Variants in ST7 observed in about 807,000 individuals in gnomAD.
ST7 encodes suppression of tumorigenicity 7.
A neutral mutation model predicts 78.7 loss-of-function variants in ST7; 28 were observed. That is an observed-to-expected ratio of 0.36 (90% CI 0.26 to 0.49). The LOEUF is 0.49. ST7 is among the 20% of genes least tolerant of loss of function. The pLI is 0.99. For missense variants in ST7, 418 were observed against 696.0 expected (o/e 0.60, Z 4.49); for synonymous variants, 247 against 249.6 (o/e 0.99, Z 0.10).
intron 1 of ST7, among the ~76,000 whole-genome samples, chr7:117,053,208 C>A (rs542126528): frequency 6.6e-6 from 1 of 152,244 alleles, no homozygotes; most frequent in East Asian, 1.9e-4. Context: ...ATTTTCTACT[C>A]AAACCAAAAT....
intron 9 of ST7, among the ~76,000 whole-genome samples, chr7:117,169,654 G>T (rs1001041695): frequency 7.9e-5 from 12 of 151,966 alleles, no homozygotes; most frequent in Non-Finnish European, 8.8e-5. Flanking sequence ...ACCTAATTCA[G>T]TCTGCCCAGG....
At chr7:117,124,038 G>A (rs1298062494) in intron 3 of ST7, among the ~76,000 whole-genome samples, 1 of 151,786 alleles carries the variant, frequency 6.6e-6, no homozygotes, top group South Asian at 2.1e-4. Flanking sequence ...CTATATAAAT[G>A]TATATATTCT....
At chr7:117,191,508 C>T (rs1375852559) in intron 12 of ST7, 1 of 760 alleles carries the variant, frequency 1.3e-3, no homozygotes, top group Non-Finnish European at 2.7e-3. Context: ...CCCAATATTT[C>T]CAATTTTTTT....
At chr7:117,142,453 A>G (rs1805401813) in intron 9 of ST7, among the ~76,000 whole-genome samples, 2 of 151,444 alleles carry the variant, frequency 1.3e-5, no homozygotes, top group Non-Finnish European at 2.9e-5. Context: ...TGCCAATTGC[A>G]GCTTAACCCC....
intron 1 of ST7, chr7:117,014,984 C>T: frequency 1.5e-6 from 2 of 1,363,912 alleles, no homozygotes; most frequent in Non-Finnish European, 1.9e-6. Flanking sequence ...TACTCAGTTT[C>T]CTGCTTACTG....
chr7:117,097,595 A>G (rs577317941), intron 1 of ST7, among the ~76,000 whole-genome samples: 51 of 151,806 alleles, frequency 3.4e-4, no homozygotes, highest in Non-Finnish European at 5.7e-4. Context: ...AAGTGTTGGG[A>G]TTACAGGCTT....
chr7:117,151,489 A>G (rs1205246855), intron 9 of ST7, among the ~76,000 whole-genome samples: 1 of 152,320 alleles, frequency 6.6e-6, no homozygotes, highest in South Asian at 2.1e-4. Flanking sequence ...TGGACCTTCC[A>G]TGATACCCAG....
chr7:117,124,759 T>C (rs2116978678), intron 3 of ST7, among the ~76,000 whole-genome samples: 1 of 152,228 alleles, frequency 6.6e-6, no homozygotes, highest in Non-Finnish European at 1.5e-5. Context: ...ATAGCAGTAA[T>C]GTCTACTGCA....
At position 117,016,361 on chromosome 7, in the gene ST7, A is replaced by C. The variant is rs1225980217; in HGVS notation, c.151+62670A>C. On this transcript the variant is annotated intron_variant, in intron 1 of 15. Coordinates refer to ENST00000323984, the MANE Select transcript of ST7 (RefSeq NM_001369598.1). ...ATTTTAGCCATATGCAGAGAAATCA[A>C]ATTTGTAAAATCCTACCACAGAGCT... 6.6e-5 allele frequency among the ~76,000 whole-genome samples: 10 copies of C among 152,196 alleles called. 1 individual carries two copies. The highest frequency in any genetic ancestry group is 6.5e-4 in the Admixed American group (10 of 15,276).
intron 1 of ST7, chr7:116,972,453 A>G (rs1201235614): frequency 1.0e-5 from 8 of 775,220 alleles, no homozygotes; most frequent in Admixed American, 2.0e-5. Context: ...TCTCTCGGCA[A>G]CGGTACTCTG....
rs370128619 is a variant in ST7 at position 117,013,790 on chromosome 7, G to A, written c.151+60099G>A. On this transcript the variant is annotated intron_variant, in intron 1 of 15. Transcript: ENST00000323984. ...AGAGGCTGCAGTGAGGCGAGATCAC[G>A]CCACTGCACTCCAGCCTGAGCGACA... Among the ~76,000 whole-genome samples, 38 of 152,258 alleles carry A rather than the reference G, an allele frequency of 2.5e-4. No individual in the cohort carries two copies. The East Asian group carries it at 3.5e-3, about 14-fold the overall frequency.
At chr7:117,061,389 T>G (rs929697810) in intron 1 of ST7, among the ~76,000 whole-genome samples, 1 of 152,156 alleles carries the variant, frequency 6.6e-6, no homozygotes, top group Non-Finnish European at 1.5e-5. Flanking sequence ...CTGCTTAAAT[T>G]TATTTGAACC....
At chr7:117,210,542 G>C (rs1297010036) in intron 13 of ST7, among the ~76,000 whole-genome samples, 1 of 152,162 alleles carries the variant, frequency 6.6e-6, no homozygotes, top group African/African-American at 2.4e-5. Context: ...CTGTAATGGT[G>C]GGGGAGACAT....
intron 2 of ST7, among the ~76,000 whole-genome samples, chr7:117,103,335 C>G (rs971375349): frequency 2.0e-5 from 3 of 152,166 alleles, no homozygotes; most frequent in Non-Finnish European, 4.4e-5. Flanking sequence ...AGGCATCACA[C>G]TATCTGACTT....
At chr7:117,090,398 T>G (rs1199392581) in intron 1 of ST7, among the ~76,000 whole-genome samples, 1 of 152,222 alleles carries the variant, frequency 6.6e-6, no homozygotes, top group African/African-American at 2.4e-5. Context: ...ACTCTGCCCC[T>G]TGTAGTCATT....
At chr7:116,984,923 G>A (rs1794127936) in intron 1 of ST7, among the ~76,000 whole-genome samples, 1 of 152,166 alleles carries the variant, frequency 6.6e-6, no homozygotes, top group Non-Finnish European at 1.5e-5. Context: ...ATTGGGTCCT[G>A]TATAAGAACT....
intron 1 of ST7, among the ~76,000 whole-genome samples, chr7:117,071,015 C>T (rs938802340): frequency 2.0e-5 from 3 of 151,922 alleles, no homozygotes; most frequent in South Asian, 2.1e-4. Context: ...GTCAGGAGAT[C>T]GAGACCATCT....
At chr7:116,968,127 A>C (rs566083080) in intron 1 of ST7, among the ~76,000 whole-genome samples, 3 of 152,274 alleles carry the variant, frequency 2.0e-5, no homozygotes, top group African/African-American at 7.2e-5. Context: ...AATTTCATTA[A>C]TCATTTCTCA....
At chr7:117,122,121 T>C (rs1385836548) in intron 3 of ST7, among the ~76,000 whole-genome samples, 1 of 152,120 alleles carries the variant, frequency 6.6e-6, no homozygotes, top group Non-Finnish European at 1.5e-5. Context: ...GTGATTTGGA[T>C]GGATGAATAA....
Sources: gnomAD v4.1 joint callset for allele counts (sites outside exome capture counted in the v4.1 genomes callset) on GRCh38, gnomAD v4.1.1 for gene constraint, MANE v1.5 for transcripts, NCBI Gene and HGNC (gene_info 2026-07-23, HGNC 2026-07-21) for gene names.